GABRA2: variants seen among roughly 807,000 people sequenced by gnomAD.
GABRA2 encodes gamma-aminobutyric acid type A receptor subunit alpha2.
In GABRA2, 16 loss-of-function variants were observed where a neutral mutation model predicts 48.7. The observed-to-expected ratio is 0.33, with a 90% CI of 0.22 to 0.50. The LOEUF is 0.50. Among genes scored for constraint, GABRA2 ranks in the 20% least tolerant of loss-of-function variants. The pLI, the probability that GABRA2 is intolerant of heterozygous loss-of-function variation, is 0.98. For synonymous variants in GABRA2, 185 were observed against 184.5 expected, an observed-to-expected ratio of 1.00 and a Z score of -0.02; for missense variants, 275 against 535.6, an observed-to-expected ratio of 0.51 and a Z score of 4.80.
chr4:46,283,232 G>A (rs1366778622), intron 8 of GABRA2, among the ~76,000 whole-genome samples: 1 of 152,144 alleles, frequency 6.6e-6, no homozygotes, highest in African/African-American at 2.4e-5. Flanking sequence ...AGGGACATCT[G>A]GAAAGCTCAT....
At chr4:46,273,226 G>A (rs761716197) in intron 8 of GABRA2, among the ~76,000 whole-genome samples, 18 of 151,676 alleles carry the variant, frequency 1.2e-4, no homozygotes, top group African/African-American at 3.9e-4. Flanking sequence ...ATGACTAGGC[G>A]TGATTCTTGT....
At chr4:46,271,114 C>T (rs1372957909) in intron 8 of GABRA2, among the ~76,000 whole-genome samples, 1 of 151,806 alleles carries the variant, frequency 6.6e-6, no homozygotes, top group Admixed American at 6.6e-5. Context: ...GGTTGGGGTG[C>T]AGGGTGGAAG....
Position 46,256,908 on chromosome 4 carries a change from C to T in GABRA2, c.1059+5018G>A, listed in dbSNP as rs116204466. Among the ~76,000 whole-genome samples the T allele has an allele frequency of 7.6e-3, 1,154 of 151,622 alleles. 15 individuals carry two copies. The highest frequency in any genetic ancestry group is 0.026 in the African/African-American group (1,084 of 41,462). ...TTTGCATATTTTGTTCCTACGTCTA[C>T]GTTTTGAGTAAATTATTATCTAGTG... is the stretch of plus-strand genomic sequence containing the variant. On this transcript the variant is annotated intron_variant, in intron 9 of 9. Coordinates refer to ENST00000381620, the MANE Select transcript of GABRA2 (RefSeq NM_000807.4).
Position 46,244,207 on chromosome 4 carries a change from T to C in GABRA2, c.*6101A>G, listed in dbSNP as rs1176095411. 1 of 151,600 alleles carries C rather than the reference T, an allele frequency of 6.6e-6. No homozygotes were observed. Among genetic ancestry groups the C allele is most frequent in the Non-Finnish European group, 1.5e-5 (1 of 67,690 alleles). 9.4% of individuals were successfully genotyped at this position (151,600 alleles called of 1,614,324 possible). On this transcript the variant is annotated 3_prime_UTR_variant, in exon 10 of 10. Coordinates refer to ENST00000381620, the MANE Select transcript of GABRA2 (RefSeq NM_000807.4). ...ATACGTTACACCTTTTTACACATTATGATCAGTTTAAAGCACAATCAATTG... is the reference window on the plus strand; with the variant it reads ...ATACGTTACACCTTTTTACACATTACGATCAGTTTAAAGCACAATCAATTG...
chr4:46,378,631 C>T (rs922814584), intron 3 of GABRA2, among the ~76,000 whole-genome samples: 15 of 150,088 alleles, frequency 1.0e-4, no homozygotes, highest in East Asian at 5.9e-4. Flanking sequence ...TCCCCCTCTG[C>T]GAGAAACACC....
chr4:46,251,525 C>G (rs1714755033), intron 9 of GABRA2, among the ~76,000 whole-genome samples: 1 of 151,386 alleles, frequency 6.6e-6, no homozygotes, highest in Non-Finnish European at 1.5e-5. Context: ...GCCCAGAACA[C>G]CTCAGTTTTG....
At chr4:46,368,733 A>T in intron 3 of GABRA2, 1 of 411,992 alleles carries the variant, frequency 2.4e-6, no homozygotes. Context: ...GACCTTTAAG[A>T]CTGAAGAAAA....
rs1717981893 is a variant in GABRA2, at chr4:46,389,802, G to GGAGTGAGA, written c.-79_-78insTCTCACTC. The GGAGTGAGA allele has an allele frequency of 3.7e-6, 1 of 268,258 alleles. No homozygotes were observed. The highest frequency in any genetic ancestry group is 4.3e-6 in the Non-Finnish European group (1 of 234,002). 16.6% of individuals were successfully genotyped at this position (268,258 alleles called of 1,614,324 possible). A position where few individuals can be genotyped will look rare whatever the true frequency, so the allele number is the denominator to read the frequency against. ...TGATCTTGACGAGATAGGAAACTTG[G>GGAGTGAGA]GAGAGAGAGAGAGAGAGAGAGAGAG... On this transcript the variant is annotated 5_prime_UTR_variant, in exon 1 of 10. Transcript: ENST00000381620.
At chr4:46,300,525 T>C (rs1725554831) in intron 8 of GABRA2, among the ~76,000 whole-genome samples, 1 of 152,028 alleles carries the variant, frequency 6.6e-6, no homozygotes, top group African/African-American at 2.4e-5. Context: ...ATCTTGTCAC[T>C]TACGATTGTC....
chr4:46,324,076 A>G (rs919408521), intron 4 of GABRA2, among the ~76,000 whole-genome samples: 4 of 151,618 alleles, frequency 2.6e-5, no homozygotes, highest in Non-Finnish European at 5.9e-5. Context: ...TAAAAATGTT[A>G]CCTCCACTCT....
intron 3 of GABRA2, among the ~76,000 whole-genome samples, chr4:46,335,785 T>C (rs1203954990): frequency 6.6e-6 from 1 of 152,114 alleles, no homozygotes; most frequent in African/African-American, 2.4e-5. Context: ...TCACTCTTAG[T>C]TGACACACCA....
intron 4 of GABRA2, among the ~76,000 whole-genome samples, chr4:46,328,200 A>C (rs1447603398): frequency 1.3e-5 from 2 of 152,028 alleles, no homozygotes; most frequent in South Asian, 2.1e-4. Context: ...TTAAAGTAGA[A>C]TCTTTAATTA....
chr4:46,308,336 T>C (rs1727060111), intron 6 of GABRA2, among the ~76,000 whole-genome samples: 1 of 152,116 alleles, frequency 6.6e-6, no homozygotes, highest in African/African-American at 2.4e-5. Context: ...CTTCTTTTGA[T>C]TGAGGACACT....
At chr4:46,267,901 T>C (rs1470819067) in intron 8 of GABRA2, among the ~76,000 whole-genome samples, 1 of 151,992 alleles carries the variant, frequency 6.6e-6, no homozygotes, top group Admixed American at 6.6e-5. Flanking sequence ...TTTCAGATTA[T>C]GGATGCTGTT....
rs1300520780 is a variant in GABRA2, at chr4:46,305,843, C to A, written c.560-132G>T. On this transcript the variant is annotated intron_variant, in intron 6 of 9. Transcript: ENST00000381620. ...TAATAGTTAAACATCACATTTAGGGCAAAAATGTCTCATTTGAATTTACTT... is the reference window on the plus strand; with the variant it reads ...TAATAGTTAAACATCACATTTAGGGAAAAAATGTCTCATTTGAATTTACTT... 1.1e-5 allele frequency: 7 copies of A among 609,354 alleles called. 1 individual carries two copies. Among genetic ancestry groups the A allele is most frequent in the Non-Finnish European group, 1.9e-5 (7 of 363,734 alleles). The allele number at this position is 609,354 out of a possible 1,614,324, so 37.7% of individuals were successfully genotyped here.
intron 8 of GABRA2, among the ~76,000 whole-genome samples, chr4:46,301,723 T>G (rs1725770118): frequency 6.6e-6 from 1 of 152,232 alleles, no homozygotes; most frequent in Admixed American, 6.5e-5. Context: ...CTATAACTTG[T>G]CTACGCCTCT....
chr4:46,330,478 T>C (rs1325083496), intron 4 of GABRA2, among the ~76,000 whole-genome samples: 1 of 151,530 alleles, frequency 6.6e-6, no homozygotes, highest in South Asian at 2.1e-4. Flanking sequence ...GGCAAACAAG[T>C]ATGATGTGAA....
intron 8 of GABRA2, among the ~76,000 whole-genome samples, chr4:46,301,362 G>C (rs1725703637): frequency 6.6e-6 from 1 of 152,160 alleles, no homozygotes; most frequent in African/African-American, 2.4e-5. Context: ...TGTATTAAAT[G>C]CTAGGCATTG....
At chr4:46,273,719 G>A (rs1369381278) in intron 8 of GABRA2, among the ~76,000 whole-genome samples, 6 of 151,856 alleles carry the variant, frequency 4.0e-5, no homozygotes, top group East Asian at 3.9e-4. Flanking sequence ...TCCAAGCACA[G>A]GATAGTCTTG....
Sources: allele counts gnomAD v4.1 joint callset (sites outside exome capture counted in the v4.1 genomes callset), GRCh38; gene constraint gnomAD v4.1.1; transcripts MANE v1.5; gene names NCBI Gene and HGNC (gene_info 2026-07-23, HGNC 2026-07-21).